The following NHLRC2 variants were observed in gnomAD, a reference collection of about 807,000 sequenced individuals.
NHLRC2 encodes NHL repeat containing 2.
In NHLRC2, 33 loss-of-function variants were observed where a neutral mutation model predicts 68.1. The ratio of observed to expected loss-of-function variants is 0.48; its 90% confidence interval spans 0.37 to 0.65. The LOEUF (loss-of-function observed/expected upper bound fraction) is 0.65. Ranked by LOEUF, NHLRC2 falls within the 30% of genes least tolerant of loss-of-function variation. The pLI is 0.00. For synonymous variants in NHLRC2, 311 were observed against 309.6 expected, an observed-to-expected ratio of 1.00 and a Z score of -0.05; for missense variants, 761 against 853.8, an observed-to-expected ratio of 0.89 and a Z score of 1.35.
rs1349939171 is a variant in NHLRC2, at chr10:113,915,308, T to G, written c.*6772T>G. On this transcript the variant is annotated 3_prime_UTR_variant, in exon 11 of 11. Coordinates refer to ENST00000369301, the MANE Select transcript of NHLRC2 (RefSeq NM_198514.4). ...CTAAAAAGCACTAAACAAGCACAAA[T>G]GAACACTAAATAGCCTTATACCAAA... 2 of 449,134 alleles carry G rather than the reference T, an allele frequency of 4.5e-6. No individual in the cohort carries two copies. The highest frequency in any genetic ancestry group is 4.0e-5 in the African/African-American group (2 of 49,870). The allele number at this position is 449,134 out of a possible 1,614,324, so 27.8% of individuals were successfully genotyped here.
chr10:113,885,703 T>A (rs1246815760), intron 5 of NHLRC2, among the ~76,000 whole-genome samples: 1 of 152,026 alleles, frequency 6.6e-6, no homozygotes, highest in Non-Finnish European at 1.5e-5. Context: ...TTTTGAGTGA[T>A]AAAAGAAAGT....
intron 7 of NHLRC2, 106 bp from the exon 8 acceptor site, chr10:113,902,365 T>A: frequency 4.1e-6 from 3 of 732,268 alleles, no homozygotes; most frequent in Non-Finnish European, 6.7e-6. Flanking sequence ...TTTTCCCTTT[T>A]AACTTAAATA....
chr10:113,869,796 T>C (rs536248131), intron 2 of NHLRC2, among the ~76,000 whole-genome samples: 6 of 152,272 alleles, frequency 3.9e-5, no homozygotes, highest in African/African-American at 1.2e-4. Flanking sequence ...TTAAAATTCA[T>C]TGGGTTATAA....
chr10:113,898,201 A>G lies in NHLRC2; in HGVS notation c.1131A>G (p.Pro377=), dbSNP rs1411710295. 11 of 1,606,940 alleles carry G rather than the reference A, an allele frequency of 6.8e-6. No individual in the cohort carries two copies. The highest frequency in any genetic ancestry group is 9.4e-6 in the Non-Finnish European group (11 of 1,173,542). The change falls in exon 6 of 11, where the codon CCA becomes CCG. Residue 377 remains proline (P), a synonymous_variant. Transcript: ENST00000369301. Reference sequence around the variant, plus strand: ...TCCTGCTGGACTCTGGCAAACTGCCAAAGAAAAAGTAAGTGACAGCCTCTC... The same window carrying G: ...TCCTGCTGGACTCTGGCAAACTGCCGAAGAAAAAGTAAGTGACAGCCTCTC... ...WALLLDSGKL[P]KKNELTKGTC...
Position 113,915,733 on chromosome 10 carries a change from GGCTCAGGATCCTTCT to G in NHLRC2, c.*7201_*7215del, listed in dbSNP as rs887306479. 1.3e-5 allele frequency: 2 copies of G among 158,580 alleles called. No homozygotes were observed. The highest frequency in any genetic ancestry group is 4.8e-5 in the African/African-American group (2 of 41,426). 9.8% of individuals were successfully genotyped at this position (158,580 alleles called of 1,614,324 possible). On this transcript the variant is annotated 3_prime_UTR_variant, in exon 11 of 11. Coordinates refer to ENST00000369301, the MANE Select transcript of NHLRC2 (RefSeq NM_198514.4). ...AGCTCACTGCAGCCTGGAACTCCTGGGCTCAGGATCCTTCTGCTTCGGCCTCCTGAGTAGCTAAGA... is the reference window on the plus strand; with the variant it reads ...AGCTCACTGCAGCCTGGAACTCCTGGGCTTCGGCCTCCTGAGTAGCTAAGA...
rs1846335006 is a variant in NHLRC2, at chr10:113,912,047, A to G, written c.*3511A>G. ...AACATTGTTTGGAGTCCTTTGATCT[A>G]CCGGTTCTCTTAAGTACGTGATTTC... On this transcript the variant is annotated 3_prime_UTR_variant, in exon 11 of 11. Coordinates refer to ENST00000369301, the MANE Select transcript of NHLRC2 (RefSeq NM_198514.4). The G allele has an allele frequency of 6.6e-6, 1 of 152,152 alleles. No individual in the cohort carries two copies. The highest frequency in any genetic ancestry group is 2.1e-4 in the South Asian group (1 of 4,830). The allele number at this position is 152,152 out of a possible 1,614,324, so 9.4% of individuals were successfully genotyped here.
At chr10:113,877,244 TATC>T in intron 3 of NHLRC2, among the ~76,000 whole-genome samples, 1 of 151,648 alleles carries the variant, frequency 6.6e-6, no homozygotes, top group East Asian at 1.9e-4. Flanking sequence ...TTGTATATTC[TATC>T]TTTTTTTTTT....
At chr10:113,897,844 G>C (rs926867777) in intron 5 of NHLRC2, among the ~76,000 whole-genome samples, 1 of 152,238 alleles carries the variant, frequency 6.6e-6, no homozygotes, top group Non-Finnish European at 1.5e-5. Context: ...GCAGAGTTCA[G>C]ATGCAGAGAT....
chr10:113,880,123 A>G (rs1846023303), intron 4 of NHLRC2, among the ~76,000 whole-genome samples: 2 of 152,010 alleles, frequency 1.3e-5, no homozygotes, highest in South Asian at 4.1e-4. Context: ...AACTTGTTTG[A>G]TTTTATTATG....
At chr10:113,886,300 T>C (rs1846082010) in intron 5 of NHLRC2, among the ~76,000 whole-genome samples, 1 of 152,178 alleles carries the variant, frequency 6.6e-6, no homozygotes, top group African/African-American at 2.4e-5. Flanking sequence ...ATTGTTAAAA[T>C]GTTCATACTA....
Position 113,905,019 on chromosome 10 carries a change from G to T in NHLRC2, c.1907G>T (p.Trp636Leu). The T allele has an allele frequency of 6.6e-7, 1 of 1,518,656 alleles. No individual in the cohort carries two copies. The highest frequency in any genetic ancestry group is 1.3e-5 in the South Asian group (1 of 76,028). The allele number at this position is 1,518,656 out of a possible 1,614,324, so 94.1% of individuals were successfully genotyped here. A position where few individuals can be genotyped will look rare whatever the true frequency, so the allele number is the denominator to read the frequency against. ...SKLTEGVSSC[W>L]FLTAEGNEWL... is the part of the protein sequence containing the mutation. ...CTAACTGAAGGAGTATCCAGTTGCT[G>T]GTTTCTAACAGCTGAAGGTATGAGT... Residue 636 changes from tryptophan to leucine, a missense_variant, in exon 10 of 11, where the codon TGG becomes TTG. Physicochemically the swap from Trp to Leu is moderately conservative, Grantham distance 61 (BLOSUM62 -2). Transcript: ENST00000369301.
intron 10 of NHLRC2, among the ~76,000 whole-genome samples, chr10:113,907,980 G>C (rs1346963187): frequency 1.3e-5 from 2 of 152,028 alleles, no homozygotes; most frequent in Non-Finnish European, 2.9e-5. Context: ...AGAGACTAAG[G>C]CTTTATAGCC....
rs1340190629 is a variant in NHLRC2 at position 113,915,152 on chromosome 10, CTCT to C, written c.*6622_*6624del. On this transcript the variant is annotated 3_prime_UTR_variant, in exon 11 of 11. Coordinates refer to ENST00000369301, the MANE Select transcript of NHLRC2 (RefSeq NM_198514.4). ...TTTGCCTGGTTGTATTGGTGTGTCC[CTCT>C]TCTTCACTGGCATGTCGCTTTCAAG... is the stretch of plus-strand genomic sequence containing the variant. 3 of 456,308 alleles carry C rather than the reference CTCT, an allele frequency of 6.6e-6. No homozygotes were observed. In the Admixed American group the frequency reaches 7.0e-5, roughly 11 times the overall value. 28.3% of individuals were successfully genotyped at this position (456,308 alleles called of 1,614,324 possible). A position where few individuals can be genotyped will look rare whatever the true frequency, so the allele number is the denominator to read the frequency against.
chr10:113,862,442 AAAG>A (rs1845825805), intron 2 of NHLRC2, among the ~76,000 whole-genome samples: 1 of 152,082 alleles, frequency 6.6e-6, no homozygotes, highest in Non-Finnish European at 1.5e-5. Context: ...TGAAATAAGA[AAAG>A]AATTTAAATG....
chr10:113,863,828 A>G (rs1389847570), intron 2 of NHLRC2, among the ~76,000 whole-genome samples: 1 of 152,232 alleles, frequency 6.6e-6, no homozygotes, highest in African/African-American at 2.4e-5. Flanking sequence ...TAAGAGTACT[A>G]TGAGCAATTG....
At chr10:113,902,673 C>A in intron 8 of NHLRC2, 80 bp downstream of exon 8, 1 of 1,170,056 alleles carries the variant, frequency 8.5e-7, no homozygotes, top group Non-Finnish European at 1.3e-6. Context: ...GAGCCTCCTA[C>A]AACTGCCACT....
At chr10:113,878,199 C>T (rs766660842) in intron 3 of NHLRC2, among the ~76,000 whole-genome samples, 25 of 152,136 alleles carry the variant, frequency 1.6e-4, no homozygotes, top group African/African-American at 3.6e-4. Context: ...AAATTTTTTA[C>T]TCTCCTAATT....
intron 6 of NHLRC2, among the ~76,000 whole-genome samples, chr10:113,900,601 CTCTTT>C (rs895020283): frequency 1.3e-5 from 2 of 152,266 alleles, no homozygotes; most frequent in East Asian, 1.9e-4. Context: ...TTTCTCCCTA[CTCTTT>C]TCTTTATTTA....
intron 2 of NHLRC2, 114 bp from the exon 3 acceptor site, chr10:113,876,407 G>GT (rs1222803742): frequency 8.5e-4 from 493 of 577,086 alleles, no homozygotes; most frequent in South Asian, 1.4e-3. Context: ...TCTACTTTTC[G>GT]TTTTTTTTTA....
Sources: gnomAD v4.1 joint callset for allele counts (sites outside exome capture counted in the v4.1 genomes callset) on GRCh38, gnomAD v4.1.1 for gene constraint, MANE v1.5 for transcripts, NCBI Gene and HGNC (gene_info 2026-07-23, HGNC 2026-07-21) for gene names.